RNF38: variants seen among roughly 807,000 people sequenced by gnomAD.
RNF38 encodes the protein E3 ubiquitin-protein ligase RNF38.
Under a neutral mutation model 67.2 loss-of-function variants are expected in RNF38, and 15 were observed. That is an observed-to-expected ratio of 0.22 (90% confidence interval 0.15 to 0.34). The LOEUF (loss-of-function observed/expected upper bound fraction) is 0.34, where lower values mean the gene tolerates loss of function less well. RNF38 is among the 10% of genes least tolerant of loss of function. The probability of loss-of-function intolerance (pLI) is 1.00; values close to 1 mark genes in which losing one functional copy is unlikely to be tolerated. For synonymous variants in RNF38, 220 were observed against 218.8 expected (o/e 1.01, Z -0.05); for missense variants, 524 against 639.9 (o/e 0.82, Z 1.95).
rs151292948 is a variant in RNF38, at chr9:36,346,108, G to A, written c.1264-1155C>T. ...ATTAAACAATACTCAGAATAATTTA[G>A]GTAGAATAGGATAAATGAGACCACC... On this transcript the variant is annotated intron_variant, in intron 9 of 11. Coordinates refer to ENST00000259605, the MANE Select transcript of RNF38 (RefSeq NM_022781.5). 2.8e-3 allele frequency among the ~76,000 whole-genome samples: 419 copies of A among 152,218 alleles called. 2 individuals carry two copies. Among genetic ancestry groups the A allele is most frequent in the African/African-American group, 8.8e-3 (365 of 41,538 alleles).
At chr9:36,361,943 G>C (rs1417999315) in intron 4 of RNF38, among the ~76,000 whole-genome samples, 1 of 152,154 alleles carries the variant, frequency 6.6e-6, no homozygotes, top group Non-Finnish European at 1.5e-5. Context: ...CACAGCACAA[G>C]CAATGAAGAC....
At chr9:36,428,199 A>G (rs909715743) in intron 1 of RNF38, among the ~76,000 whole-genome samples, 2 of 151,786 alleles carry the variant, frequency 1.3e-5, no homozygotes, top group Admixed American at 1.3e-4. Flanking sequence ...GGCGGATCAC[A>G]AGGTCAGGAG....
Position 36,353,154 on chromosome 9 carries a change from C to T in RNF38, c.1071+16G>A, listed in dbSNP as rs374642237. On this transcript the variant is annotated intron_variant, in intron 7 of 11. Coordinates refer to ENST00000259605, the MANE Select transcript of RNF38 (RefSeq NM_022781.5). ...GCCAAAGCAAGTAATTAACATAGTA[C>T]TCTGTGAAAACTTACTACTCCAAAG... 4.7e-5 allele frequency: 76 copies of T among 1,607,330 alleles called. No homozygotes were observed. Among genetic ancestry groups the T allele is most frequent in the Non-Finnish European group, 6.4e-5 (75 of 1,174,214 alleles).
At chr9:36,365,729 A>C (rs550386335) in intron 4 of RNF38, among the ~76,000 whole-genome samples, 2 of 121,140 alleles carry the variant, frequency 1.7e-5, no homozygotes, top group African/African-American at 6.5e-5. Context: ...GCAGTGGTGC[A>C]ATCTTGGCTC....
At chr9:36,340,854 CAGACACATA>C (rs1832779275) in intron 11 of RNF38, among the ~76,000 whole-genome samples, 1 of 152,138 alleles carries the variant, frequency 6.6e-6, no homozygotes, top group African/African-American at 2.4e-5. Context: ...TTGCTAATGC[CAGACACATA>C]AGCATCACCT....
At chr9:36,440,845 ACTTACATAAT>A (rs2134296744) in intron 1 of RNF38, among the ~76,000 whole-genome samples, 1 of 152,310 alleles carries the variant, frequency 6.6e-6, no homozygotes, top group African/African-American at 2.4e-5. Context: ...CACACAAGGC[ACTTACATAAT>A]CTCAGATACT....
rs1458767511 is a variant in RNF38 at position 36,338,962 on chromosome 9, A to G, written c.*790T>C. The G allele has an allele frequency of 6.6e-6, 1 of 152,618 alleles. No homozygotes were observed. Among genetic ancestry groups the G allele is most frequent in the African/African-American group, 2.4e-5 (1 of 41,440 alleles). 9.5% of individuals were successfully genotyped at this position (152,618 alleles called of 1,614,324 possible). ...AAAAAAACCAGGTTCATGGAGCGAG[A>G]ATTTGTTACACTTTTTTTTCTTAAG... is the stretch of plus-strand genomic sequence containing the variant. On this transcript the variant is annotated 3_prime_UTR_variant, in exon 12 of 12. Transcript: ENST00000259605.
At chr9:36,485,311 T>TATATATATATATATATATATATATATAC (rs960400403) in intron 1 of RNF38, among the ~76,000 whole-genome samples, 1 of 151,970 alleles carries the variant, frequency 6.6e-6, no homozygotes, top group African/African-American at 2.4e-5. Flanking sequence ...AGGGTATATA[T>TATATATATATATATATATATATATATAC]ACACACACAC....
intron 1 of RNF38, among the ~76,000 whole-genome samples, chr9:36,398,042 AAAG>A (rs2134113628): frequency 6.6e-6 from 1 of 152,352 alleles, no homozygotes; most frequent in African/African-American, 2.4e-5. Context: ...TAGTTGGAAA[AAAG>A]AGGTATGATT....
At chr9:36,415,008 T>C (rs189248713) in intron 2 of RNF38, among the ~76,000 whole-genome samples, 1 of 152,250 alleles carries the variant, frequency 6.6e-6, no homozygotes, top group Admixed American at 6.5e-5. Context: ...GTTAGCCTGA[T>C]GACTGTGTGC....
intron 6 of RNF38, among the ~76,000 whole-genome samples, chr9:36,355,320 C>T (rs568300795): frequency 2.7e-4 from 41 of 152,314 alleles, no homozygotes; most frequent in South Asian, 1.2e-3. Flanking sequence ...GTCTGATGGT[C>T]TTGATGCTGA....
intron 2 of RNF38, among the ~76,000 whole-genome samples, chr9:36,416,867 C>T (rs919847228): frequency 2.7e-5 from 4 of 149,886 alleles, no homozygotes; most frequent in Non-Finnish European, 5.9e-5. Context: ...ATTCTCCTGC[C>T]TCAGCTGCCT....
intron 2 of RNF38, among the ~76,000 whole-genome samples, chr9:36,410,240 T>G (rs2134194421): frequency 6.6e-6 from 1 of 152,292 alleles, no homozygotes; most frequent in East Asian, 1.9e-4. Flanking sequence ...TACGGGTAAA[T>G]ATCTGAATGG....
At chr9:36,451,491 GTTTTTTT>G (rs374396585) in intron 1 of RNF38, among the ~76,000 whole-genome samples, 4 of 58,670 alleles carry the variant, frequency 6.8e-5, no homozygotes, top group East Asian at 7.4e-4. Context: ...AATTGTAGTA[GTTTTTTT>G]TTTTTTTTTT....
At chr9:36,485,965 C>T (rs1247855951) in intron 1 of RNF38, among the ~76,000 whole-genome samples, 1 of 152,156 alleles carries the variant, frequency 6.6e-6, no homozygotes, top group East Asian at 1.9e-4. Flanking sequence ...TGACTGCAGA[C>T]CAATTCACAC....
chr9:36,388,635 G>T (rs1227773045), intron 2 of RNF38, among the ~76,000 whole-genome samples: 1 of 152,154 alleles, frequency 6.6e-6, no homozygotes, highest in East Asian at 1.9e-4. Context: ...TGGTGTGGGG[G>T]GTGGTGGAAA....
intron 1 of RNF38, among the ~76,000 whole-genome samples, chr9:36,461,099 C>T (rs1839722939): frequency 6.6e-6 from 1 of 151,962 alleles, no homozygotes; most frequent in Admixed American, 6.6e-5. Context: ...CCTGTAATCC[C>T]AGCTACTTGG....
chr9:36,368,512 G>A (rs1188251046), intron 4 of RNF38, among the ~76,000 whole-genome samples: 2 of 152,050 alleles, frequency 1.3e-5, no homozygotes, highest in African/African-American at 4.8e-5. Flanking sequence ...ATGGGACTTT[G>A]TAAACACTTT....
chr9:36,478,545 C>T (rs969583731), intron 1 of RNF38, among the ~76,000 whole-genome samples: 2 of 147,414 alleles, frequency 1.4e-5, no homozygotes, highest in African/African-American at 2.5e-5. Flanking sequence ...TGGCCGGGCA[C>T]GGTGGCTCAT....
Sources: allele counts gnomAD v4.1 joint callset (sites outside exome capture counted in the v4.1 genomes callset), GRCh38; gene constraint gnomAD v4.1.1; transcripts MANE v1.5; gene names NCBI Gene and HGNC (gene_info 2026-07-23, HGNC 2026-07-21).